Variants in MRPS5 observed in about 807,000 individuals in gnomAD.
The protein encoded by MRPS5 is mitochondrial ribosomal protein S5, also known as small ribosomal subunit protein uS5m.
MRPS5 carries 27 observed loss-of-function variants against 51.9 expected under a neutral mutation model. The observed-to-expected ratio is 0.52, with a 90% CI of 0.38 to 0.72. The LOEUF (loss-of-function observed/expected upper bound fraction) is 0.72, where lower values mean the gene tolerates loss of function less well. Among genes scored for constraint, MRPS5 ranks in the 30% least tolerant of loss-of-function variants. MRPS5 has a pLI of 0.00. For missense variants in MRPS5, 570 were observed against 545.7 expected (o/e 1.04, Z -0.44); for synonymous variants, 196 against 193.2 (o/e 1.01, Z -0.12).
chr2:95,093,704 T>G (rs1051505722), intron 10 of MRPS5: 3 of 152,020 alleles, frequency 2.0e-5, no homozygotes, highest in African/African-American at 7.3e-5. Flanking sequence ...AAAATGGACA[T>G]CCACACCAAA....
At chr2:95,098,166 C>T (rs898106477) in intron 10 of MRPS5, among the ~76,000 whole-genome samples, 121 of 152,264 alleles carry the variant, frequency 7.9e-4, no homozygotes, top group African/African-American at 2.7e-3. Context: ...GTTAGAATGG[C>T]AATCATTAAA....
chr2:95,100,324 C>T (rs1675759351), intron 10 of MRPS5, 150 bp downstream of exon 10: 1 of 606,020 alleles, frequency 1.7e-6, no homozygotes, highest in Non-Finnish European at 2.9e-6. Context: ...TCTCCAAGAG[C>T]CTCATCGTTC....
At chr2:95,103,725 C>T (rs1360173662) in intron 7 of MRPS5, 2 of 152,156 alleles carry the variant, frequency 1.3e-5, no homozygotes, top group African/African-American at 4.8e-5. Flanking sequence ...CACAATGGAA[C>T]ACTTTGCAAC....
rs201624121 is a variant in MRPS5, at chr2:95,100,502, C to T, written c.903G>A (p.Thr301=). Residue 301 remains threonine, a synonymous_variant, in exon 10 of 12, where the codon ACG becomes ACA. Transcript: ENST00000272418. ...TGGGTTGTTTCTTCATCTTGATATG[C>T]GTCCTTTTAAATCTTAATGAAATAT... ...FHDISLRFKR[T]HIKMKKQPKG... 70 of 1,607,686 alleles carry T rather than the reference C, an allele frequency of 4.4e-5. 1 individual carries two copies. The highest frequency in any genetic ancestry group is 5.5e-5 in the South Asian group (5 of 90,824).
chr2:95,102,144 C>A (rs1398788014), intron 7 of MRPS5, among the ~76,000 whole-genome samples: 1 of 151,110 alleles, frequency 6.6e-6, no homozygotes, highest in Non-Finnish European at 1.5e-5. Flanking sequence ...AGAGCAAGAC[C>A]CTGTCTCAAA....
intron 10 of MRPS5, among the ~76,000 whole-genome samples, chr2:95,099,119 C>T (rs933966349): frequency 2.6e-5 from 4 of 151,420 alleles, no homozygotes; most frequent in Non-Finnish European, 4.4e-5. Flanking sequence ...GGGGTTTCAC[C>T]ATGTCAGCCA....
rs546546865 is a variant in MRPS5 at position 95,107,620 on chromosome 2, G to GA, written c.637+554dup. Among the ~76,000 whole-genome samples, 274 of 152,216 alleles carry GA rather than the reference G, an allele frequency of 1.8e-3. 2 individuals are homozygous for GA. Among genetic ancestry groups the GA allele is most frequent in the African/African-American group, 6.5e-3 (268 of 41,532 alleles). On this transcript the variant is annotated intron_variant, in intron 5 of 11. Transcript: ENST00000272418. The stretch of plus-strand genomic sequence containing the variant: ...AAGCCAAACTTCTTAAGAAAGCAGC[G>GA]AAACTCTTACCTATTTCCTCTTCTC...
In MRPS5 at chr2:95,108,338, G is replaced by C. The variant is rs746235750; in HGVS notation, c.474C>G (p.Ala158=). The C allele has an allele frequency of 4.7e-5, 76 of 1,613,970 alleles. No individual in the cohort carries two copies. In the Admixed American group the frequency reaches 1.3e-3, roughly 27 times the overall value. The part of the protein sequence containing the change: ...LMKNGAVQTI[A]QRSKEEQEKV... ...TCTCCTGCTCTTCCTTGCTTCTTTG[G>C]GCAATGGTCTGCACTGCTCCATTTT... Residue 158 remains alanine (A), a synonymous_variant, in exon 5 of 12, where the codon GCC becomes GCG. Coordinates refer to ENST00000272418, the MANE Select transcript of MRPS5 (RefSeq NM_031902.5).
chr2:95,101,623 A>G, intron 8 of MRPS5, 54 bp downstream of exon 8: 1 of 1,398,084 alleles, frequency 7.2e-7, no homozygotes, highest in Non-Finnish European at 9.9e-7. Flanking sequence ...TGTGTCTGGC[A>G]TATAACTTAC....
At chr2:95,101,010 TTAG>T in intron 8 of MRPS5, 116 bp from the exon 9 acceptor site, 1 of 826,044 alleles carries the variant, frequency 1.2e-6, no homozygotes, top group Non-Finnish European at 1.9e-6. Flanking sequence ...CGCAAAAAGG[TTAG>T]TATATACTTC....
chr2:95,109,170 A>G (rs185799615), intron 4 of MRPS5, among the ~76,000 whole-genome samples: 254 of 152,222 alleles, frequency 1.7e-3, no homozygotes, highest in African/African-American at 5.7e-3. Context: ...GTATAAATAC[A>G]TGATTCTTAT....
Position 95,115,107 on chromosome 2 carries a change from A to G in MRPS5, c.236T>C (p.Leu79Pro). ...ATATGGTCTATACTGCTGGCTCATCAGGTGACTGGGAGAAGAAATACAGCA... is the reference window on the plus strand; with the variant it reads ...ATATGGTCTATACTGCTGGCTCATCGGGTGACTGGGAGAAGAAATACAGCA... ...TQCCISSPSH[L>P]MSQQYRPYSF... The change falls in exon 3 of 12, where the codon CTG (leucine) becomes CCG (proline). Residue 79 changes from leucine to proline, a missense_variant. By Grantham distance (98) the Leu-to-Pro change is moderately conservative (BLOSUM62 -3). Transcript: ENST00000272418. 1 of 1,611,512 alleles carries G rather than the reference A, an allele frequency of 6.2e-7. No individual in the cohort carries two copies. The highest frequency in any genetic ancestry group is 1.7e-5 in the Admixed American group (1 of 59,062).
chr2:95,111,022 G>A (rs1573346335), intron 3 of MRPS5, among the ~76,000 whole-genome samples: 2 of 152,134 alleles, frequency 1.3e-5, no homozygotes, highest in South Asian at 4.1e-4. Flanking sequence ...TAGATAACAC[G>A]AAAAGAGAAA....
chr2:95,096,292 T>A (rs555463062), intron 10 of MRPS5, among the ~76,000 whole-genome samples: 45 of 152,198 alleles, frequency 3.0e-4, no homozygotes, highest in African/African-American at 9.6e-4. Context: ...CTGAAACTAT[T>A]CCAATCAATA....
intron 4 of MRPS5, among the ~76,000 whole-genome samples, chr2:95,109,696 G>A (rs1676059096): frequency 1.3e-5 from 2 of 152,220 alleles, no homozygotes; most frequent in Non-Finnish European, 2.9e-5. Context: ...ATGACACCTA[G>A]GGACATTTAA....
chr2:95,090,986 TCTC>T (rs1675447855), intron 10 of MRPS5: 2 of 156,530 alleles, frequency 1.3e-5, no homozygotes, highest in Admixed American at 6.3e-5. Context: ...TGGCCTGTCC[TCTC>T]CTCCTTGCTG....
chr2:95,103,275 C>A (rs1255756019), intron 7 of MRPS5, among the ~76,000 whole-genome samples: 3 of 152,140 alleles, frequency 2.0e-5, no homozygotes, highest in Non-Finnish European at 4.4e-5. Context: ...ATAATAACCA[C>A]CCAACAGAAA....
chr2:95,092,115 T>G (rs2104395115), intron 10 of MRPS5: 1 of 152,342 alleles, frequency 6.6e-6, no homozygotes, highest in African/African-American at 2.4e-5. Flanking sequence ...GCATGAACAC[T>G]GGCCACTGTG....
Position 95,087,297 on chromosome 2 carries a change from G to A in MRPS5, c.*60C>T, listed in dbSNP as rs1313972616. 9 of 1,344,888 alleles carry A rather than the reference G, an allele frequency of 6.7e-6. No individual in the cohort carries two copies. Among genetic ancestry groups the A allele is most frequent in the Non-Finnish European group, 9.5e-6 (9 of 950,258 alleles). 83.3% of individuals were successfully genotyped at this position (1,344,888 alleles called of 1,614,324 possible). A position where few individuals can be genotyped will look rare whatever the true frequency, so the allele number is the denominator to read the frequency against. On this transcript the variant is annotated 3_prime_UTR_variant, in exon 12 of 12. Transcript: ENST00000272418. ...GCAAGGTAACATCCCAAGCTGTGAG[G>A]GGCTGAGTCTCTCCTAGGTGCAGGG...
Sources: allele counts gnomAD v4.1 joint callset (sites outside exome capture counted in the v4.1 genomes callset), GRCh38; gene constraint gnomAD v4.1.1; transcripts MANE v1.5; gene names NCBI Gene and HGNC (gene_info 2026-07-23, HGNC 2026-07-21).